Variants in CCAR1 observed in about 807,000 individuals in gnomAD.
The protein encoded by CCAR1 is cell division cycle and apoptosis regulator protein 1.
A neutral mutation model predicts 163.8 loss-of-function variants in CCAR1; 78 were observed. That is an observed-to-expected ratio of 0.48 (90% CI 0.40 to 0.57). The LOEUF is 0.57. Among genes scored for constraint, CCAR1 ranks in the 20% least tolerant of loss-of-function variants. The pLI is 0.00. For missense variants in CCAR1, 1,019 were observed against 1,365.2 expected (o/e 0.75, Z 4.00); for synonymous variants, 443 against 460.7 (o/e 0.96, Z 0.49).
At chr10:68,761,511 T>C (rs1453942678) in intron 16 of CCAR1, among the ~76,000 whole-genome samples, 2 of 151,848 alleles carry the variant, frequency 1.3e-5, no homozygotes, top group Non-Finnish European at 2.9e-5. Flanking sequence ...TTTCACCATG[T>C]TGGCAGGCTA....
At chr10:68,781,062 T>C (rs1239694971) in intron 19 of CCAR1, among the ~76,000 whole-genome samples, 4 of 151,802 alleles carry the variant, frequency 2.6e-5, no homozygotes, top group Non-Finnish European at 4.4e-5. Context: ...CGAAACCCTG[T>C]CTCTACTAAA....
intron 19 of CCAR1, 92 bp downstream of exon 19, chr10:68,773,191 T>A (rs1305390788): frequency 3.0e-6 from 2 of 665,478 alleles, no homozygotes; most frequent in East Asian, 3.3e-5. Context: ...ACTTTTAACA[T>A]TTTTTTCTTT....
chr10:68,723,803 G>C (rs539423233), intron 2 of CCAR1, among the ~76,000 whole-genome samples: 18 of 149,556 alleles, frequency 1.2e-4, no homozygotes, highest in African/African-American at 4.2e-4. Context: ...AGCTGAGATC[G>C]CGCCACTGCA....
At chr10:68,736,809 T>C (rs2056116809) in intron 2 of CCAR1, 67 bp from the exon 3 acceptor site, 1 of 1,417,878 alleles carries the variant, frequency 7.1e-7, no homozygotes, top group Non-Finnish European at 9.7e-7. Context: ...TTCTATGTAC[T>C]GTTTTCATAT....
intron 6 of CCAR1, among the ~76,000 whole-genome samples, chr10:68,746,893 A>G (rs2056263674): frequency 6.6e-6 from 1 of 151,262 alleles, no homozygotes; most frequent in Non-Finnish European, 1.5e-5. Context: ...TACTTTTTTT[A>G]TTATTATTAT....
Position 68,792,160 on chromosome 10 carries a change from G to A in CCAR1, c.*894G>A, listed in dbSNP as rs1230572068. On this transcript the variant is annotated 3_prime_UTR_variant, in exon 25 of 25. Transcript: ENST00000265872. ...AGAGAACTAGTATTGTTCTTTATGG[G>A]TTAGACTTTACATAATATTAGTTGT... 6.6e-6 allele frequency: 1 copy of A among 151,790 alleles called. No homozygotes were observed. The highest frequency in any genetic ancestry group is 2.4e-5 in the African/African-American group (1 of 41,352). The allele number at this position is 151,790 out of a possible 1,614,324, so 9.4% of individuals were successfully genotyped here. A position where few individuals can be genotyped will look rare whatever the true frequency, so the allele number is the denominator to read the frequency against.
chr10:68,722,808 G>T (rs1253913803), intron 2 of CCAR1, among the ~76,000 whole-genome samples: 1 of 152,030 alleles, frequency 6.6e-6, no homozygotes, highest in African/African-American at 2.4e-5. Context: ...CATAATCCTA[G>T]CTACTCAGGA....
intron 15 of CCAR1, among the ~76,000 whole-genome samples, chr10:68,758,916 C>T (rs1443059720): frequency 6.6e-6 from 1 of 151,978 alleles, no homozygotes; most frequent in Admixed American, 6.6e-5. Flanking sequence ...AATTGATCCA[C>T]CCACCTCAGC....
chr10:68,726,199 T>C (rs2055943382), intron 2 of CCAR1, among the ~76,000 whole-genome samples: 1 of 149,174 alleles, frequency 6.7e-6, no homozygotes, highest in African/African-American at 2.5e-5. Context: ...TTGCCCAGGC[T>C]GGAGTGCAGT....
rs1465442910 is a variant in CCAR1, at chr10:68,754,167, G to T, written c.1344+90G>T. 4.1e-5 allele frequency: 37 copies of T among 892,342 alleles called. No homozygotes were observed. In the South Asian group the frequency reaches 6.4e-4, roughly 15 times the overall value. The allele number at this position is 892,342 out of a possible 1,614,324, so 55.3% of individuals were successfully genotyped here. A position where few individuals can be genotyped will look rare whatever the true frequency, so the allele number is the denominator to read the frequency against. The stretch of plus-strand genomic sequence containing the variant: ...TAGAATTATCCTTCAGAAAGTGTTT[G>T]TTAGGTAGACCCGAATACCTGTTTT... On this transcript the variant is annotated intron_variant, in intron 11 of 24. Transcript: ENST00000265872.
At chr10:68,732,289 G>A (rs887874256) in intron 2 of CCAR1, among the ~76,000 whole-genome samples, 21 of 152,020 alleles carry the variant, frequency 1.4e-4, no homozygotes, top group African/African-American at 3.4e-4. Flanking sequence ...TTTTCATAGC[G>A]TCTTGTTCCT....
intron 19 of CCAR1, among the ~76,000 whole-genome samples, chr10:68,782,527 T>C (rs2056748776): frequency 1.3e-5 from 2 of 152,180 alleles, no homozygotes; most frequent in South Asian, 4.1e-4. Context: ...AAAACAGCCT[T>C]CTTCCATCGG....
chr10:68,765,830 A>G, intron 16 of CCAR1, 58 bp from the exon 17 acceptor site: 1 of 1,149,716 alleles, frequency 8.7e-7, no homozygotes, highest in South Asian at 1.4e-5. Context: ...TTCATCTTGC[A>G]CATGTATATA....
chr10:68,730,549 G>A (rs989854771), intron 2 of CCAR1, among the ~76,000 whole-genome samples: 19 of 151,426 alleles, frequency 1.3e-4, no homozygotes, highest in Admixed American at 6.6e-5. Flanking sequence ...TTTTGGCCAG[G>A]ATGGTTTCGA....
chr10:68,741,003 T>C (rs1235399819), intron 5 of CCAR1, among the ~76,000 whole-genome samples: 5 of 151,960 alleles, frequency 3.3e-5, no homozygotes, highest in Non-Finnish European at 7.4e-5. Flanking sequence ...AATCTCTGCC[T>C]CCTGGGTTCA....
chr10:68,727,047 TCAGGCC>T, intron 2 of CCAR1, among the ~76,000 whole-genome samples: 1 of 146,870 alleles, frequency 6.8e-6, no homozygotes, highest in Admixed American at 7.1e-5. Flanking sequence ...CAAAGCTGGA[TCAGGCC>T]TAAACTAGAT....
chr10:68,747,884 C>T (rs1589164415), intron 8 of CCAR1, among the ~76,000 whole-genome samples: 1 of 152,032 alleles, frequency 6.6e-6, no homozygotes, highest in Admixed American at 6.5e-5. Context: ...TGTTCTTTTT[C>T]GCTCTGTCGC....
chr10:68,748,021 T>A (rs1258544172), intron 8 of CCAR1, among the ~76,000 whole-genome samples: 1 of 151,968 alleles, frequency 6.6e-6, no homozygotes, highest in Non-Finnish European at 1.5e-5. Flanking sequence ...GCCCGGCAAA[T>A]TTTTGTATTT....
chr10:68,771,087 A>AT (rs1564547335), intron 17 of CCAR1, 119 bp from the exon 18 acceptor site: 1 of 840,886 alleles, frequency 1.2e-6, no homozygotes, highest in Non-Finnish European at 1.8e-6. Flanking sequence ...CAAAAAAAAA[A>AT]AAGTTTGATA....
Sources: allele counts gnomAD v4.1 joint callset (sites outside exome capture counted in the v4.1 genomes callset), GRCh38; gene constraint gnomAD v4.1.1; transcripts MANE v1.5; gene names NCBI Gene and HGNC (gene_info 2026-07-23, HGNC 2026-07-21).